The following ENOSF1 variants were observed in gnomAD, a reference collection of about 807,000 sequenced individuals.
The protein encoded by ENOSF1 is mitochondrial enolase superfamily member 1.
ENOSF1 carries 73 observed loss-of-function variants against 68.2 expected under a neutral mutation model. The ratio of observed to expected loss-of-function variants is 1.07; its 90% CI spans 0.89 to 1.30. The LOEUF is 1.30. ENOSF1 is among the 50% of genes most tolerant of loss of function. The pLI, the probability that ENOSF1 is intolerant of heterozygous loss-of-function variation, is 0.00. For missense variants in ENOSF1, 589 were observed against 554.5 expected, an observed-to-expected ratio of 1.06 and a Z score of -0.62; for synonymous variants, 223 against 210.4, an observed-to-expected ratio of 1.06 and a Z score of -0.52.
chr18:701,649 G>A (rs2078355470), intron 2 of ENOSF1, among the ~76,000 whole-genome samples: 1 of 151,710 alleles, frequency 6.6e-6, no homozygotes, highest in Non-Finnish European at 1.5e-5. Flanking sequence ...TCCAGCTACT[G>A]GAGAGGCTGA....
rs558101212 is a variant in ENOSF1 at position 693,645 on chromosome 18, G to C, written c.423+237C>G. The C allele has an allele frequency of 4.1e-5, 40 of 985,370 alleles. No homozygotes were observed. The Admixed American group carries it at 4.3e-4, about 11-fold the overall frequency. 61.0% of individuals were successfully genotyped at this position (985,370 alleles called of 1,614,324 possible). ...GCACCGTGTGTTACACATGCACAGT[G>C]GGGGAGGCAGGACCCCCTCACTGCT... On this transcript the variant is annotated intron_variant, in intron 5 of 15. Transcript: ENST00000647584.
At chr18:709,277 T>C (rs2079258705) in intron 1 of ENOSF1, among the ~76,000 whole-genome samples, 1 of 151,948 alleles carries the variant, frequency 6.6e-6, no homozygotes, top group Non-Finnish European at 1.5e-5. Context: ...GGAAAGACAC[T>C]GAGGCCTGAG....
rs114496292 is a variant in ENOSF1 at position 679,150 on chromosome 18, C to T, written c.877-413G>A. 7.7e-3 allele frequency among the ~76,000 whole-genome samples: 1,175 copies of T among 152,112 alleles called. 14 individuals are homozygous for T. Among genetic ancestry groups the T allele is most frequent in the African/African-American group, 0.027 (1,122 of 41,452 alleles). ...CGACTCCTTCCTGTGGGTCATCACT[C>T]CATCAATTCCCTTCTTCTTGCCTCC... On this transcript the variant is annotated intron_variant, in intron 11 of 15. Transcript: ENST00000647584.
rs1478098510 is a variant in ENOSF1 at position 677,359 on chromosome 18, T to G, written c.1134A>C (p.Ala378=). The G allele has an allele frequency of 1.2e-6, 2 of 1,613,846 alleles. No individual in the cohort carries two copies. ...LIIFDYISVS[A]SLENRVCEYV... ...ACATTACTGACCTATTTTCAAGGCT[T>G]GCAGAAACTGATATGTAGTCAAATA... Residue 378 remains alanine (A), a synonymous_variant, in exon 14 of 16, where the codon GCA becomes GCC. Transcript: ENST00000647584.
intron 8 of ENOSF1, among the ~76,000 whole-genome samples, chr18:689,405 T>C (rs1375990158): frequency 1.3e-5 from 2 of 152,136 alleles, no homozygotes; most frequent in Non-Finnish European, 2.9e-5. Flanking sequence ...CTCAGCCTCC[T>C]GAGTGGCTGG....
At chr18:688,937 C>A (rs2076890604) in intron 8 of ENOSF1, among the ~76,000 whole-genome samples, 1 of 152,128 alleles carries the variant, frequency 6.6e-6, no homozygotes, top group African/African-American at 2.4e-5. Flanking sequence ...GAGTAACATG[C>A]AGAAGCCAGC....
At chr18:698,874 G>A (rs2078023997) in intron 2 of ENOSF1, among the ~76,000 whole-genome samples, 1 of 151,850 alleles carries the variant, frequency 6.6e-6, no homozygotes, top group Non-Finnish European at 1.5e-5. Flanking sequence ...CACCTGCCTC[G>A]GCCACCAAAA....
intron 10 of ENOSF1, among the ~76,000 whole-genome samples, chr18:684,105 T>C (rs1335757828): frequency 6.6e-6 from 1 of 151,928 alleles, no homozygotes; most frequent in Non-Finnish European, 1.5e-5. Context: ...GCCATTCTCC[T>C]GCCTCAGCCT....
intron 14 of ENOSF1, among the ~76,000 whole-genome samples, chr18:676,565 C>T (rs1336997492): frequency 1.3e-5 from 2 of 152,186 alleles, no homozygotes; most frequent in Non-Finnish European, 2.9e-5. Flanking sequence ...CTATGCTTCC[C>T]GTGCAGCCTG....
Position 712,566 on chromosome 18 carries a change from G to A in ENOSF1, c.22C>T (p.Arg8Trp). The A allele has an allele frequency of 6.5e-7, 1 of 1,539,040 alleles. No individual in the cohort carries two copies. The highest frequency in any genetic ancestry group is 1.2e-5 in the South Asian group (1 of 83,960). MVRGRIS[R>W]LSVRDVRFPT... The stretch of plus-strand genomic sequence containing the variant: ...AAGCGCACGTCCCGGACCGAGAGCC[G>A]GGAGATCCTGCCGCGCACCATGGCC... Residue 8 changes from arginine to tryptophan, a missense_variant, in exon 1 of 16, where the codon CGG becomes TGG. Coordinates refer to ENST00000647584, the MANE Select transcript of ENOSF1 (RefSeq NM_017512.7).
chr18:666,593 G>T (rs2074820111), downstream of ENOSF1, among the ~76,000 whole-genome samples: 2 of 152,192 alleles, frequency 1.3e-5, no homozygotes, highest in Non-Finnish European at 2.9e-5. Flanking sequence ...CTGGAGAGCA[G>T]GTGTCTCATC....
chr18:707,929 G>A (rs914061768), intron 1 of ENOSF1, among the ~76,000 whole-genome samples: 2 of 151,780 alleles, frequency 1.3e-5, no homozygotes, highest in Non-Finnish European at 2.9e-5. Context: ...GCATGATCTT[G>A]GCTCACTGCA....
At chr18:697,530 C>A (rs1174057150) in intron 2 of ENOSF1, among the ~76,000 whole-genome samples, 175 bp from the exon 3 acceptor site, 2 of 152,194 alleles carry the variant, frequency 1.3e-5, no homozygotes. Flanking sequence ...GCAGGAGGAC[C>A]ACTTGAGATG....
Position 672,590 on chromosome 18 carries a change from G to A in ENOSF1, c.*1715C>T, listed in dbSNP as rs75235880. 0.01 allele frequency: 2,873 copies of A among 277,210 alleles called. 36 individuals are homozygous for A. The highest frequency in any genetic ancestry group is 0.012 in the Non-Finnish European group (1,764 of 146,174). 17.2% of individuals were successfully genotyped at this position (277,210 alleles called of 1,614,324 possible). The stretch of plus-strand genomic sequence containing the variant: ...TTCCTGTCTTTAATAAATTTGCCAA[G>A]AGTGGTTATAAGAACTTACACCTGA... On this transcript the variant is annotated 3_prime_UTR_variant, in exon 16 of 16. Transcript: ENST00000647584.
intron 8 of ENOSF1, among the ~76,000 whole-genome samples, chr18:689,065 G>A (rs1455514883): frequency 6.6e-6 from 1 of 152,120 alleles, no homozygotes; most frequent in Non-Finnish European, 1.5e-5. Context: ...GCAACTTACA[G>A]CATGTATCTG....
At chr18:701,679 C>T (rs1015393447) in intron 2 of ENOSF1, among the ~76,000 whole-genome samples, 45 of 151,638 alleles carry the variant, frequency 3.0e-4, no homozygotes, top group African/African-American at 9.7e-4. Flanking sequence ...ATGGCGTGAA[C>T]CCAGGAAGCA....
intron 10 of ENOSF1, among the ~76,000 whole-genome samples, chr18:685,342 C>G (rs2076514748): frequency 6.6e-6 from 1 of 151,094 alleles, no homozygotes; most frequent in African/African-American, 2.4e-5. Context: ...TATTTGGATA[C>G]AGATGACTTC....
intron 5 of ENOSF1, chr18:693,519 T>C (rs1434162024): frequency 2.0e-6 from 2 of 985,294 alleles, no homozygotes; most frequent in African/African-American, 3.5e-5. Context: ...TTTTCAGAGT[T>C]TATGAGGTGC....
intron 1 of ENOSF1, among the ~76,000 whole-genome samples, chr18:709,033 T>C (rs933554094): frequency 6.6e-6 from 1 of 152,052 alleles, no homozygotes; most frequent in African/African-American, 2.4e-5. Context: ...TGGGTCCCTG[T>C]GATTAGCGGA....
Sources: gnomAD v4.1 joint callset for allele counts (sites outside exome capture counted in the v4.1 genomes callset) on GRCh38, gnomAD v4.1.1 for gene constraint, MANE v1.5 for transcripts, NCBI Gene and HGNC (gene_info 2026-07-23, HGNC 2026-07-21) for gene names.